Variants in AMBRA1 observed in about 807,000 individuals in gnomAD.
The protein encoded by AMBRA1 is autophagy and beclin 1 regulator 1.
Under a neutral mutation model 125.4 loss-of-function variants are expected in AMBRA1, and 47 were observed. That is an observed-to-expected ratio of 0.37 (90% CI 0.30 to 0.48). AMBRA1 has a LOEUF of 0.48. Among genes scored for constraint, AMBRA1 ranks in the 20% least tolerant of loss-of-function variants. The pLI is 0.99. For synonymous variants in AMBRA1, 626 were observed against 655.5 expected (o/e 0.95, Z 0.69); for missense variants, 1,331 against 1,693.4 (o/e 0.79, Z 3.76).
At chr11:46,514,075 C>T (rs940495570) in intron 7 of AMBRA1, among the ~76,000 whole-genome samples, 2 of 152,138 alleles carry the variant, frequency 1.3e-5, no homozygotes, top group Non-Finnish European at 2.9e-5. Flanking sequence ...TGTTCCTCTC[C>T]AGCAGCATCT....
chr11:46,426,223 G>A (rs932494969), intron 14 of AMBRA1, among the ~76,000 whole-genome samples: 6 of 152,130 alleles, frequency 3.9e-5, no homozygotes, highest in Non-Finnish European at 7.4e-5. Context: ...CACATGCGTG[G>A]ACATGCAGAG....
At chr11:46,549,472 G>C (rs2042923824) in intron 1 of AMBRA1, among the ~76,000 whole-genome samples, 1 of 152,096 alleles carries the variant, frequency 6.6e-6, no homozygotes, top group Non-Finnish European at 1.5e-5. Flanking sequence ...TTACATTGAG[G>C]TTGGTGTTTT....
chr11:46,481,921 C>T (rs1265190154), intron 11 of AMBRA1, among the ~76,000 whole-genome samples: 3 of 152,192 alleles, frequency 2.0e-5, no homozygotes, highest in Admixed American at 1.3e-4. Flanking sequence ...GTGCTTGGAA[C>T]AGTACTTGGT....
At chr11:46,426,337 TGAAAA>T (rs1947133506) in intron 14 of AMBRA1, among the ~76,000 whole-genome samples, 1 of 152,060 alleles carries the variant, frequency 6.6e-6, no homozygotes, top group Non-Finnish European at 1.5e-5. Context: ...GAGATGGCAG[TGAAAA>T]GACCAGAAGA....
intron 17 of AMBRA1, among the ~76,000 whole-genome samples, chr11:46,404,791 G>T (rs1275038476): frequency 6.6e-6 from 1 of 152,134 alleles, no homozygotes; most frequent in Non-Finnish European, 1.5e-5. Flanking sequence ...CCTTCCCTCT[G>T]CCCCACCCTC....
At chr11:46,418,626 C>T (rs1224526616) in intron 14 of AMBRA1, among the ~76,000 whole-genome samples, 1 of 151,774 alleles carries the variant, frequency 6.6e-6, no homozygotes, top group Admixed American at 6.6e-5. Flanking sequence ...GTTCAGTTCC[C>T]ACCTATGAGT....
At chr11:46,591,191 C>A (rs904950110) in intron 1 of AMBRA1, 3 of 152,190 alleles carry the variant, frequency 2.0e-5, no homozygotes, top group Non-Finnish European at 2.9e-5. Flanking sequence ...ACTCTAAATT[C>A]TACGCAGAAC....
chr11:46,500,498 C>G lies in AMBRA1; in HGVS notation c.2340-6294G>C, dbSNP rs143884253. On this transcript the variant is annotated intron_variant, in intron 9 of 17. Transcript: ENST00000683756. ...CACTTGTCACTTTAGGTCACCTTAA[C>G]CAATGCTATCAGAGTTAGCTGCCTA... is the stretch of plus-strand genomic sequence containing the variant. 7.3e-3 allele frequency among the ~76,000 whole-genome samples: 1,106 copies of G among 152,294 alleles called. 22 individuals carry two copies. Among genetic ancestry groups the G allele is most frequent in the African/African-American group, 0.026 (1,073 of 41,548 alleles).
At chr11:46,570,426 T>C (rs1157438763) in intron 1 of AMBRA1, among the ~76,000 whole-genome samples, 3 of 152,162 alleles carry the variant, frequency 2.0e-5, no homozygotes, top group African/African-American at 7.2e-5. Flanking sequence ...AATTCTCCCA[T>C]GTATAAGCTT....
intron 11 of AMBRA1, among the ~76,000 whole-genome samples, chr11:46,449,237 TAC>T (rs1948458918): frequency 6.6e-6 from 1 of 152,188 alleles, no homozygotes; most frequent in Non-Finnish European, 1.5e-5. Flanking sequence ...ATAAAAGGTA[TAC>T]AGATTGGAAG....
At chr11:46,578,564 C>T (rs998984217) in intron 1 of AMBRA1, among the ~76,000 whole-genome samples, 3 of 151,338 alleles carry the variant, frequency 2.0e-5, no homozygotes, top group Non-Finnish European at 2.9e-5. Context: ...AGACTCTGGG[C>T]AAAGTATATA....
chr11:46,543,461 A>G, intron 6 of AMBRA1, 63 bp from the exon 7 acceptor site: 3 of 1,566,270 alleles, frequency 1.9e-6, no homozygotes, highest in Non-Finnish European at 1.7e-6. Context: ...ACCTCCAAGT[A>G]AATCAAGAAA....
chr11:46,556,593 C>T lies in AMBRA1; in HGVS notation c.-120-8093G>A, dbSNP rs147389841. Among the ~76,000 whole-genome samples the T allele has an allele frequency of 3.6e-3, 545 of 152,180 alleles. 1 individual carries two copies. The highest frequency in any genetic ancestry group is 6.8e-3 in the Middle Eastern group (2 of 294). ...CCAAATTACAGTCAATATGTATAGT[C>T]ATATATATGGGCCCCGCAGTCAGAA... On this transcript the variant is annotated intron_variant, in intron 1 of 17. Transcript: ENST00000683756.
chr11:46,533,404 T>C (rs1436488416), intron 7 of AMBRA1, among the ~76,000 whole-genome samples: 1 of 152,212 alleles, frequency 6.6e-6, no homozygotes, highest in African/African-American at 2.4e-5. Context: ...ATTTATGATC[T>C]CTTGTTTACT....
intron 11 of AMBRA1, chr11:46,491,429 A>C (rs933148866): frequency 6.6e-6 from 1 of 152,216 alleles, no homozygotes; most frequent in African/African-American, 2.4e-5. Flanking sequence ...AAATATGTGT[A>C]AAGCACGTAA....
chr11:46,437,042 C>T (rs539606648), intron 12 of AMBRA1, among the ~76,000 whole-genome samples: 159 of 152,198 alleles, frequency 1.0e-3, no homozygotes, highest in African/African-American at 3.6e-3. Context: ...AGATCCAGCT[C>T]GTGTGTGTTA....
intron 16 of AMBRA1, among the ~76,000 whole-genome samples, chr11:46,408,997 GA>G (rs1946154522): frequency 6.6e-6 from 1 of 152,260 alleles, no homozygotes; most frequent in East Asian, 1.9e-4. Context: ...GGGGAGTGGG[GA>G]GGAGCTGTAG....
At chr11:46,591,540 G>A (rs1188340884) in intron 1 of AMBRA1, 1 of 152,124 alleles carries the variant, frequency 6.6e-6, no homozygotes, top group African/African-American at 2.4e-5. Flanking sequence ...CAAGGACTAG[G>A]AACTGAATCT....
Position 46,471,085 on chromosome 11 carries a change from T to C in AMBRA1, c.2521+22523A>G, listed in dbSNP as rs578067408. Among the ~76,000 whole-genome samples, 6 of 152,248 alleles carry C rather than the reference T, an allele frequency of 3.9e-5. No individual in the cohort carries two copies. In the South Asian group the frequency reaches 6.2e-4, roughly 16 times the overall value. On this transcript the variant is annotated intron_variant, in intron 11 of 17. Transcript: ENST00000683756. ...CCCTATCTAATAGATGAGGAGGAAA[T>C]TGAGGCTCAGATCAAGATAAACCAT...
Sources: gnomAD v4.1 joint callset for allele counts (sites outside exome capture counted in the v4.1 genomes callset) on GRCh38, gnomAD v4.1.1 for gene constraint, MANE v1.5 for transcripts, NCBI Gene and HGNC (gene_info 2026-07-23, HGNC 2026-07-21) for gene names.